Variants in TRPM8 observed in about 807,000 individuals in gnomAD.
TRPM8 encodes TRPM8 cationic channel.
A neutral mutation model predicts 133.7 loss-of-function variants in TRPM8; 110 were observed. The observed-to-expected ratio is 0.82, with a 90% CI of 0.70 to 0.96. The LOEUF (loss-of-function observed/expected upper bound fraction) is 0.96, where lower values mean the gene tolerates loss of function less well. Ranked by LOEUF, TRPM8 falls within the 40% of genes least tolerant of loss-of-function variation. The pLI, the probability that TRPM8 is intolerant of heterozygous loss-of-function variation, is 0.00. For missense variants in TRPM8, 1,291 were observed against 1,379.5 expected, an observed-to-expected ratio of 0.94 and a Z score of 1.02; for synonymous variants, 535 against 532.3, an observed-to-expected ratio of 1.01 and a Z score of -0.07.
chr2:233,957,573 TTATAGAA>T (rs1372241336), intron 11 of TRPM8, among the ~76,000 whole-genome samples: 11 of 151,630 alleles, frequency 7.3e-5, no homozygotes, highest in African/African-American at 2.4e-4. Flanking sequence ...TACATAGATT[TTATAGAA>T]TATAGAATAT....
chr2:233,964,741 C>T lies in TRPM8; in HGVS notation c.1863C>T (p.Tyr621=), dbSNP rs201712061. 56 of 1,611,908 alleles carry T rather than the reference C, an allele frequency of 3.5e-5. No homozygotes were observed. Among genetic ancestry groups the T allele is most frequent in the Middle Eastern group, 1.7e-4 (1 of 6,042 alleles). ...AGTCCGAGGAGCTGGCTAATGAGTA[C>T]GAGACCCGGGCTGTTGGTGAGTCCA... ...AGESEELANE[Y]ETRAVELFTE... The change falls in exon 14 of 26, where the codon TAC becomes TAT. Residue 621 remains tyrosine, a synonymous_variant. Transcript: ENST00000324695.
At chr2:233,994,663 G>T (rs1692359701) in intron 21 of TRPM8, among the ~76,000 whole-genome samples, 1 of 152,124 alleles carries the variant, frequency 6.6e-6, no homozygotes, top group African/African-American at 2.4e-5. Context: ...TGTCTGTGTT[G>T]GTCAGTGTTT....
At chr2:233,985,941 TCGCAAAGGTCCCAC>T (rs1692139122) in intron 21 of TRPM8, 76 bp downstream of exon 21, 1 of 1,388,614 alleles carries the variant, frequency 7.2e-7, no homozygotes, top group South Asian at 1.3e-5. Flanking sequence ...GCTGGGAGCA[TCGCAAAGGTCCCAC>T]CCTTGAGGAA....
At chr2:234,012,789 T>C (rs551590882) in intron 24 of TRPM8, among the ~76,000 whole-genome samples, 1 of 152,162 alleles carries the variant, frequency 6.6e-6, no homozygotes, top group East Asian at 1.9e-4. Flanking sequence ...TCCTTCTATA[T>C]CGATTTTGTT....
chr2:233,997,935 G>C (rs1328377307), intron 22 of TRPM8, among the ~76,000 whole-genome samples: 1 of 152,144 alleles, frequency 6.6e-6, no homozygotes, highest in African/African-American at 2.4e-5. Context: ...GGCCCTGTAG[G>C]AAACCACATC....
At chr2:233,966,127 G>A (rs1261924142) in intron 14 of TRPM8, 1 of 156,840 alleles carries the variant, frequency 6.4e-6, no homozygotes, top group Admixed American at 6.1e-5. Context: ...TGGGATTACA[G>A]GTGTGAGCCA....
intron 25 of TRPM8, among the ~76,000 whole-genome samples, chr2:234,016,193 T>TTG (rs1692951762): frequency 1.3e-5 from 2 of 151,422 alleles, no homozygotes; most frequent in Non-Finnish European, 1.5e-5. Context: ...ATCACTTATT[T>TTG]TGTGTGTGTG....
intron 9 of TRPM8, among the ~76,000 whole-genome samples, chr2:233,952,355 G>A (rs1691189753): frequency 6.6e-6 from 1 of 152,140 alleles, no homozygotes. Flanking sequence ...GATACAAAAA[G>A]GCAGGTGCCG....
At chr2:233,950,732 C>T (rs1313479150) in intron 9 of TRPM8, among the ~76,000 whole-genome samples, 1 of 152,194 alleles carries the variant, frequency 6.6e-6, no homozygotes. Context: ...AATATTGCTC[C>T]CCAACCCTGA....
chr2:233,977,363 A>C (rs144779248), intron 17 of TRPM8, among the ~76,000 whole-genome samples: 2 of 152,326 alleles, frequency 1.3e-5, no homozygotes, highest in East Asian at 3.9e-4. Context: ...CTCAGAGAAG[A>C]GGCCTCTTTT....
intron 21 of TRPM8, among the ~76,000 whole-genome samples, chr2:233,991,680 C>T (rs2125328518): frequency 6.6e-6 from 1 of 152,296 alleles, no homozygotes. Context: ...GCAGACTTTG[C>T]ATTCTGTTCT....
In TRPM8 at chr2:233,981,661, T is replaced by A. The variant is rs1574756850; in HGVS notation, c.2448-113T>A. On this transcript the variant is annotated intron_variant, in intron 18 of 25. Coordinates refer to ENST00000324695, the MANE Select transcript of TRPM8 (RefSeq NM_024080.5). ...GGTGGTGTTTCTGGCCTATTTTCAC[T>A]CACTCAACCTTCCAGCTCTTGCCTG... 8.3e-6 allele frequency: 9 copies of A among 1,084,538 alleles called. No homozygotes were observed. The South Asian group carries it at 1.4e-4, about 17-fold the overall frequency. The allele number at this position is 1,084,538 out of a possible 1,614,324, so 67.2% of individuals were successfully genotyped here.
At chr2:233,978,557 C>T (rs1463060329) in intron 17 of TRPM8, among the ~76,000 whole-genome samples, 3 of 152,144 alleles carry the variant, frequency 2.0e-5, no homozygotes, top group Admixed American at 2.0e-4. Context: ...TACTTTTCTG[C>T]ATTTTGCTTT....
intron 17 of TRPM8, among the ~76,000 whole-genome samples, chr2:233,973,564 CTTAA>C (rs746494475): frequency 6.6e-6 from 1 of 152,208 alleles, no homozygotes; most frequent in African/African-American, 2.4e-5. Flanking sequence ...TTCCTCTTTA[CTTAA>C]TTAGTTATAT....
At chr2:233,971,725 A>G (rs1160507150) in intron 17 of TRPM8, among the ~76,000 whole-genome samples, 1 of 152,062 alleles carries the variant, frequency 6.6e-6, no homozygotes, top group African/African-American at 2.4e-5. Flanking sequence ...CTCAGGAGTG[A>G]AGCTGCAGAC....
At chr2:233,935,969 T>C (rs1690725060) in intron 3 of TRPM8, among the ~76,000 whole-genome samples, 1 of 152,184 alleles carries the variant, frequency 6.6e-6, no homozygotes. Flanking sequence ...TTTTTGCTTC[T>C]TTTCTGTTGT....
chr2:233,955,439 G>A (rs1421592623), intron 11 of TRPM8, 189 bp downstream of exon 11: 3 of 507,864 alleles, frequency 5.9e-6, no homozygotes, highest in African/African-American at 5.9e-5. Flanking sequence ...GACTTAGTAG[G>A]TTTGTTGTGA....
At position 233,954,806 on chromosome 2, in the gene TRPM8, A is replaced by G. The variant is rs578110178; in HGVS notation, c.1244-326A>G. Among the ~76,000 whole-genome samples the G allele has an allele frequency of 2.7e-4, 41 of 152,360 alleles. No homozygotes were observed. In the South Asian group the frequency reaches 7.5e-3, roughly 28 times the overall value. On this transcript the variant is annotated intron_variant, in intron 10 of 25. Transcript: ENST00000324695. ...ATTGTTTCGTAGATTTAGATGTAGC[A>G]TAAGTCAGATATGGCCTTGAAATAT...
In TRPM8 at chr2:233,926,837, G is replaced by A. The variant is rs144231680; in HGVS notation, c.117+183G>A. On this transcript the variant is annotated intron_variant, in intron 2 of 25. Transcript: ENST00000324695. ...GCCTTGAATCACAGTCCCTTCTCCA[G>A]CTCTATGGCCAGGGTCTCAGTTTGG... is the stretch of plus-strand genomic sequence containing the variant. Among the ~76,000 whole-genome samples, 4 of 152,212 alleles carry A rather than the reference G, an allele frequency of 2.6e-5. No homozygotes were observed. In the East Asian group the frequency reaches 7.7e-4, roughly 29 times the overall value.
Sources: gnomAD v4.1 joint callset for allele counts (sites outside exome capture counted in the v4.1 genomes callset) on GRCh38, gnomAD v4.1.1 for gene constraint, MANE v1.5 for transcripts, NCBI Gene and HGNC (gene_info 2026-07-23, HGNC 2026-07-21) for gene names.